The following KCNQ5 variants were observed in gnomAD, a reference collection of about 807,000 sequenced individuals.
KCNQ5 encodes potassium voltage-gated channel subfamily KQT member 5.
Under a neutral mutation model 98.2 loss-of-function variants are expected in KCNQ5, and 30 were observed. The observed-to-expected ratio is 0.31, with a 90% CI of 0.23 to 0.41. The LOEUF (loss-of-function observed/expected upper bound fraction) is 0.41, where lower values mean the gene tolerates loss of function less well. Among genes scored for constraint, KCNQ5 ranks in the 10% least tolerant of loss-of-function variants. KCNQ5 has a pLI of 1.00. For missense variants in KCNQ5, 835 were observed against 1,182.5 expected (o/e 0.71, Z 4.31); for synonymous variants, 458 against 449.4 (o/e 1.02, Z -0.24).
At chr6:72,776,801 C>T (rs185595521) in intron 1 of KCNQ5, among the ~76,000 whole-genome samples, 1 of 152,014 alleles carries the variant, frequency 6.6e-6, no homozygotes, top group African/African-American at 2.4e-5. Flanking sequence ...GTGGAGGAGG[C>T]AGGGACAGGG....
chr6:72,832,885 G>T (rs757347914), intron 1 of KCNQ5, among the ~76,000 whole-genome samples: 1 of 152,144 alleles, frequency 6.6e-6, no homozygotes, highest in African/African-American at 2.4e-5. Flanking sequence ...TCTTCTGGAT[G>T]TTCACAGACA....
At chr6:72,677,780 A>G (rs182557173) in intron 1 of KCNQ5, among the ~76,000 whole-genome samples, 42 of 152,248 alleles carry the variant, frequency 2.8e-4, no homozygotes, top group Non-Finnish European at 5.4e-4. Context: ...AATAGATGTA[A>G]CTCTATTGAA....
At position 72,986,847 on chromosome 6, in the gene KCNQ5, T is replaced by G. The variant is rs140926840; in HGVS notation, c.399-17061T>G. 1,675 of 1,024,520 alleles carry G rather than the reference T, an allele frequency of 1.6e-3. 18 individuals are homozygous for G. In the African/African-American group the frequency reaches 0.022, roughly 13 times the overall value. The allele number at this position is 1,024,520 out of a possible 1,614,324, so 63.5% of individuals were successfully genotyped here. A position where few individuals can be genotyped will look rare whatever the true frequency, so the allele number is the denominator to read the frequency against. ...AAGGGGGCCCAGGACCCCACAGCCC[T>G]CTCAGTCCAGAACCCTTGGTTCTGC... On this transcript the variant is annotated intron_variant, in intron 1 of 13. Transcript: ENST00000370398.
chr6:73,034,078 G>A (rs1771281548), intron 2 of KCNQ5, among the ~76,000 whole-genome samples: 1 of 152,114 alleles, frequency 6.6e-6, no homozygotes, highest in Non-Finnish European at 1.5e-5. Flanking sequence ...TTTAAGTTTG[G>A]AGCCATCTCT....
chr6:72,714,450 T>C (rs1395662105), intron 1 of KCNQ5, among the ~76,000 whole-genome samples: 1 of 151,658 alleles, frequency 6.6e-6, no homozygotes, highest in East Asian at 1.9e-4. Flanking sequence ...AAATGGATCC[T>C]CCACTAAACT....
chr6:73,193,483 A>ATAAAG (rs1765674410), intron 13 of KCNQ5, among the ~76,000 whole-genome samples: 2 of 148,190 alleles, frequency 1.3e-5, no homozygotes, highest in Admixed American at 6.7e-5. Flanking sequence ...ATAAAATAAA[A>ATAAAG]TAAAATAAAA....
At chr6:73,173,616 G>A (rs1018351510) in intron 11 of KCNQ5, among the ~76,000 whole-genome samples, 2 of 151,886 alleles carry the variant, frequency 1.3e-5, no homozygotes, top group African/African-American at 4.8e-5. Flanking sequence ...CATGAATCTT[G>A]GGCAAAGTTT....
In KCNQ5 at chr6:72,776,736, C is replaced by G. The variant is rs553704889; in HGVS notation, c.398+154149C>G. Among the ~76,000 whole-genome samples, 10 of 152,280 alleles carry G rather than the reference C, an allele frequency of 6.6e-5. No individual in the cohort carries two copies. In the East Asian group the frequency reaches 1.9e-3, roughly 29 times the overall value. On this transcript the variant is annotated intron_variant, in intron 1 of 13. Transcript: ENST00000370398. ...CATTTACAGAGTATTTATTATGTTT[C>G]AAGCACTGTGATAGGTGCAAGAGAT...
intron 1 of KCNQ5, among the ~76,000 whole-genome samples, chr6:72,839,761 A>G (rs1776702007): frequency 6.6e-6 from 1 of 152,230 alleles, no homozygotes; most frequent in East Asian, 1.9e-4. Flanking sequence ...AAGTAAGCTA[A>G]TTAACATATC....
chr6:72,700,291 A>ATCTC (rs1768732390), intron 1 of KCNQ5, among the ~76,000 whole-genome samples: 1 of 149,064 alleles, frequency 6.7e-6, no homozygotes, highest in Non-Finnish European at 1.5e-5. Flanking sequence ...CTATATATCT[A>ATCTC]TATCTATCTA....
intron 1 of KCNQ5, among the ~76,000 whole-genome samples, chr6:72,754,951 A>G (rs1185199156): frequency 6.6e-6 from 1 of 151,288 alleles, no homozygotes; most frequent in African/African-American, 2.4e-5. Context: ...TAGTTCTCTC[A>G]GTTTTTTACT....
intron 9 of KCNQ5, among the ~76,000 whole-genome samples, chr6:73,130,030 T>TA (rs1776161271): frequency 6.6e-6 from 1 of 152,232 alleles, no homozygotes; most frequent in South Asian, 2.1e-4. Context: ...CCTGCTTTGA[T>TA]ACTCTCCACC....
chr6:72,794,787 A>T (rs111940245), intron 1 of KCNQ5, among the ~76,000 whole-genome samples: 1,857 of 152,338 alleles, frequency 0.012, 38 homozygotes, highest in African/African-American at 0.043. Context: ...AGGAGAGAGT[A>T]CCTGTGCTGA....
At position 73,197,580 on chromosome 6, in the gene KCNQ5, T is replaced by TACACACACACACACACACACACACAC. The variant is rs545254868; in HGVS notation, c.*2203_*2228dup. ...GATTCCCCCTTGCAAGAATGTTGCA[T>TACACACACACACACACACACACACAC]ACACACACACACACACACACACACA... On this transcript the variant is annotated 3_prime_UTR_variant, in exon 14 of 14. Coordinates refer to ENST00000370398, the MANE Select transcript of KCNQ5 (RefSeq NM_019842.4). The TACACACACACACACACACACACACAC allele has an allele frequency of 1.9e-5, 2 of 105,428 alleles. No individual in the cohort carries two copies. The highest frequency in any genetic ancestry group is 9.8e-5 in the Admixed American group (1 of 10,236). The allele number at this position is 105,428 out of a possible 1,614,324, so 6.5% of individuals were successfully genotyped here. A position where few individuals can be genotyped will look rare whatever the true frequency, so the allele number is the denominator to read the frequency against.
intron 1 of KCNQ5, among the ~76,000 whole-genome samples, chr6:72,637,800 T>C (rs187544813): frequency 9.3e-4 from 141 of 152,316 alleles, no homozygotes; most frequent in African/African-American, 2.9e-3. Context: ...ACCTTCAAGA[T>C]AGGATCCTGA....
intron 1 of KCNQ5, among the ~76,000 whole-genome samples, chr6:72,980,799 T>A (rs1562108188): frequency 6.6e-6 from 1 of 152,202 alleles, no homozygotes; most frequent in Non-Finnish European, 1.5e-5. Flanking sequence ...AGTATGATAT[T>A]GGTTGTGGGT....
At chr6:72,946,929 G>A (rs977702636) in intron 1 of KCNQ5, among the ~76,000 whole-genome samples, 1 of 152,180 alleles carries the variant, frequency 6.6e-6, no homozygotes, top group Non-Finnish European at 1.5e-5. Context: ...GTGTAATCAT[G>A]ACCAGTCCCC....
At chr6:73,169,499 GATA>G (rs962864691) in intron 10 of KCNQ5, among the ~76,000 whole-genome samples, 17 of 152,248 alleles carry the variant, frequency 1.1e-4, no homozygotes, top group African/African-American at 3.9e-4. Flanking sequence ...GTACTGGAAA[GATA>G]ATGTGTCGAT....
rs566706404 is a variant in KCNQ5 at position 72,678,822 on chromosome 6, A to G, written c.398+56235A>G. Among the ~76,000 whole-genome samples, 452 of 152,312 alleles carry G rather than the reference A, an allele frequency of 3.0e-3. 2 individuals carry two copies. The highest frequency in any genetic ancestry group is 0.01 in the African/African-American group (430 of 41,576). ...GATTTTCTGCTGCTTTCAAGAAGCC[A>G]TACAATAGAATTCTTAATCCCGTTT... is the stretch of plus-strand genomic sequence containing the variant. On this transcript the variant is annotated intron_variant, in intron 1 of 13. Coordinates refer to ENST00000370398, the MANE Select transcript of KCNQ5 (RefSeq NM_019842.4).
Sources: gnomAD v4.1 joint callset for allele counts (sites outside exome capture counted in the v4.1 genomes callset) on GRCh38, gnomAD v4.1.1 for gene constraint, MANE v1.5 for transcripts, NCBI Gene and HGNC (gene_info 2026-07-23, HGNC 2026-07-21) for gene names.